FSIP1: variants seen among roughly 807,000 people sequenced by gnomAD.
FSIP1 encodes the protein fibrous sheath-interacting protein 1.
A neutral mutation model predicts 60.9 loss-of-function variants in FSIP1; 65 were observed. The ratio of observed to expected loss-of-function variants is 1.07; its 90% CI spans 0.87 to 1.31. FSIP1 has a LOEUF of 1.31. Among genes scored for constraint, FSIP1 ranks in the 40% most tolerant of loss-of-function variants. The probability of loss-of-function intolerance (pLI) is 0.00; values close to 1 mark genes in which losing one functional copy is unlikely to be tolerated. For synonymous variants in FSIP1, 209 were observed against 221.2 expected, an observed-to-expected ratio of 0.94 and a Z score of 0.49; for missense variants, 675 against 665.5, an observed-to-expected ratio of 1.01 and a Z score of -0.16.
intron 10 of FSIP1, among the ~76,000 whole-genome samples, chr15:39,702,801 G>A (rs896526036): frequency 7.3e-5 from 11 of 151,662 alleles, no homozygotes; most frequent in South Asian, 2.1e-4. Flanking sequence ...CTTGTTCCAT[G>A]TAATCACACC....
At chr15:39,652,063 C>A (rs929148494) in intron 10 of FSIP1, among the ~76,000 whole-genome samples, 2 of 152,188 alleles carry the variant, frequency 1.3e-5, no homozygotes, top group African/African-American at 4.8e-5. Context: ...ATAAGTTACA[C>A]TCCCATAAAT....
intron 10 of FSIP1, among the ~76,000 whole-genome samples, chr15:39,672,628 T>C (rs939188087): frequency 2.0e-5 from 3 of 152,154 alleles, no homozygotes; most frequent in African/African-American, 7.2e-5. Flanking sequence ...GATGGCGATA[T>C]AATAATAATA....
intron 1 of FSIP1, among the ~76,000 whole-genome samples, chr15:39,778,493 A>G (rs1313262321): frequency 6.6e-6 from 1 of 152,228 alleles, no homozygotes; most frequent in East Asian, 1.9e-4. Flanking sequence ...GAATTTGGCC[A>G]TCTAGAAAAA....
intron 10 of FSIP1, among the ~76,000 whole-genome samples, chr15:39,667,402 C>T (rs1188868022): frequency 6.6e-6 from 1 of 152,068 alleles, no homozygotes; most frequent in South Asian, 2.1e-4. Flanking sequence ...GGATTTACAC[C>T]GGTCTCTGTC....
chr15:39,780,855 T>C (rs1898239341), intron 1 of FSIP1, among the ~76,000 whole-genome samples: 1 of 152,234 alleles, frequency 6.6e-6, no homozygotes. Context: ...GTCAAAGTGC[T>C]GGGATTACAG....
chr15:39,745,929 A>G (rs758876620), intron 5 of FSIP1, among the ~76,000 whole-genome samples: 4 of 152,102 alleles, frequency 2.6e-5, no homozygotes, highest in African/African-American at 4.8e-5. Flanking sequence ...AAATTTAAAC[A>G]TTAGCCGGGC....
At chr15:39,751,741 A>G (rs1897170634) in intron 5 of FSIP1, among the ~76,000 whole-genome samples, 1 of 152,014 alleles carries the variant, frequency 6.6e-6, no homozygotes, top group Non-Finnish European at 1.5e-5. Flanking sequence ...GATCTAATGT[A>G]CAACTCAAGG....
chr15:39,778,930 T>A (rs1419507174), intron 1 of FSIP1, among the ~76,000 whole-genome samples: 1 of 152,136 alleles, frequency 6.6e-6, no homozygotes, highest in Non-Finnish European at 1.5e-5. Context: ...ATAAATTTCA[T>A]AATTATGGAA....
intron 11 of FSIP1, among the ~76,000 whole-genome samples, chr15:39,615,257 AATGTGATT>A (rs955433817): frequency 1.5e-4 from 23 of 152,266 alleles, no homozygotes; most frequent in African/African-American, 5.5e-4. Context: ...AAAATAGACA[AATGTGATT>A]ATATCAAACC....
intron 8 of FSIP1, among the ~76,000 whole-genome samples, chr15:39,736,531 G>A (rs1896615447): frequency 6.6e-6 from 1 of 152,194 alleles, no homozygotes; most frequent in African/African-American, 2.4e-5. Flanking sequence ...TTGAAAAACT[G>A]GAGGATCCAG....
chr15:39,634,313 TCTTA>T (rs1328719760), intron 10 of FSIP1, among the ~76,000 whole-genome samples: 1 of 152,224 alleles, frequency 6.6e-6, no homozygotes, highest in Non-Finnish European at 1.5e-5. Context: ...AAATAATTGG[TCTTA>T]CTATCACCAA....
At chr15:39,780,010 T>TA (rs1359947107) in intron 1 of FSIP1, among the ~76,000 whole-genome samples, 2 of 152,314 alleles carry the variant, frequency 1.3e-5, no homozygotes, top group Admixed American at 6.5e-5. Context: ...CTGTAAGGAA[T>TA]ACTTGCCCAT....
chr15:39,663,519 C>T (rs549441628), intron 10 of FSIP1, among the ~76,000 whole-genome samples: 2 of 152,208 alleles, frequency 1.3e-5, no homozygotes, highest in Non-Finnish European at 2.9e-5. Flanking sequence ...AATGAAAATT[C>T]CCTTAGACCT....
chr15:39,600,934 T>A lies in FSIP1; in HGVS notation c.1700-8A>T. Reference sequence around the variant, plus strand: ...CTTTAGTCTCCTGCTCATCTGCACATAAAAACAATAACCACAGTTATTAGA... The same window carrying A: ...CTTTAGTCTCCTGCTCATCTGCACAAAAAAACAATAACCACAGTTATTAGA... On this transcript the variant is annotated splice_region_variant and splice_polypyrimidine_tract_variant and intron_variant, in intron 11 of 11. Coordinates refer to ENST00000350221, the MANE Select transcript of FSIP1 (RefSeq NM_152597.5). 1 of 1,603,580 alleles carries A rather than the reference T, an allele frequency of 6.2e-7. No homozygotes were observed. The highest frequency in any genetic ancestry group is 8.5e-7 in the Non-Finnish European group (1 of 1,175,320).
intron 5 of FSIP1, among the ~76,000 whole-genome samples, chr15:39,751,119 C>A (rs1897147907): frequency 1.3e-5 from 2 of 151,716 alleles, no homozygotes; most frequent in Non-Finnish European, 3.0e-5. Context: ...CAGGAGATAA[C>A]AACTATTGGT....
rs1044694139 is a variant in FSIP1, at chr15:39,664,660, C to T, written c.1189-46415G>A. Among the ~76,000 whole-genome samples the T allele has an allele frequency of 2.6e-4, 39 of 152,116 alleles. 1 individual carries two copies. The highest frequency in any genetic ancestry group is 2.5e-3 in the Admixed American group (38 of 15,262). ...TTACATTTCACTGGGAAAACAAAACCCTTTAGGTAAGAGCTCCCCCAATCC... is the reference window on the plus strand; with the variant it reads ...TTACATTTCACTGGGAAAACAAAACTCTTTAGGTAAGAGCTCCCCCAATCC... On this transcript the variant is annotated intron_variant, in intron 10 of 11. Transcript: ENST00000350221.
At chr15:39,692,710 T>C (rs1894650536) in intron 10 of FSIP1, among the ~76,000 whole-genome samples, 1 of 151,910 alleles carries the variant, frequency 6.6e-6, no homozygotes, top group Non-Finnish European at 1.5e-5. Context: ...ATTAGGCTAA[T>C]TCCTGGAATG....
At chr15:39,755,629 A>G (rs542499084) in intron 5 of FSIP1, among the ~76,000 whole-genome samples, 13 of 152,290 alleles carry the variant, frequency 8.5e-5, no homozygotes, top group Non-Finnish European at 1.5e-4. Flanking sequence ...ATATCAGAGT[A>G]GAAAGAGACT....
chr15:39,605,222 T>C (rs1225557819), intron 11 of FSIP1, among the ~76,000 whole-genome samples: 1 of 152,220 alleles, frequency 6.6e-6, no homozygotes, highest in Non-Finnish European at 1.5e-5. Flanking sequence ...AGTTCTCAAG[T>C]GTTCACAGTG....
Sources: allele counts gnomAD v4.1 joint callset (sites outside exome capture counted in the v4.1 genomes callset), GRCh38; gene constraint gnomAD v4.1.1; transcripts MANE v1.5; gene names NCBI Gene and HGNC (gene_info 2026-07-23, HGNC 2026-07-21).